The following RABGAP1L variants were observed in gnomAD, a reference collection of about 807,000 sequenced individuals.
RABGAP1L encodes rab GTPase-activating protein 1-like.
Under a neutral mutation model 137.7 loss-of-function variants are expected in RABGAP1L, and 63 were observed. The observed-to-expected ratio is 0.46, with a 90% confidence interval of 0.37 to 0.56. The LOEUF (loss-of-function observed/expected upper bound fraction) is 0.56. RABGAP1L is among the 20% of genes least tolerant of loss of function. The pLI is 0.00. For missense variants in RABGAP1L, 1,095 were observed against 1,244.0 expected (o/e 0.88, Z 1.80); for synonymous variants, 431 against 433.7 (o/e 0.99, Z 0.08).
chr1:174,522,182 T>C (rs1209005330), intron 13 of RABGAP1L, among the ~76,000 whole-genome samples: 1 of 152,144 alleles, frequency 6.6e-6, no homozygotes, highest in Non-Finnish European at 1.5e-5. Context: ...ACTAAAGGCA[T>C]ATATTCTGTA....
intron 13 of RABGAP1L, among the ~76,000 whole-genome samples, chr1:174,572,465 A>G (rs927616940): frequency 2.6e-5 from 4 of 152,140 alleles, no homozygotes; most frequent in African/African-American, 9.7e-5. Context: ...GGCTCACTGC[A>G]ACCTCTGCCT....
chr1:174,564,191 G>C (rs542328006), intron 13 of RABGAP1L, among the ~76,000 whole-genome samples: 8 of 152,198 alleles, frequency 5.3e-5, no homozygotes, highest in African/African-American at 1.9e-4. Context: ...ATATCTAACA[G>C]TTATCGTTTC....
At chr1:174,362,809 T>C (rs572669535) in intron 11 of RABGAP1L, among the ~76,000 whole-genome samples, 2 of 152,372 alleles carry the variant, frequency 1.3e-5, no homozygotes, top group South Asian at 4.1e-4. Flanking sequence ...ATACCATTTA[T>C]CAATTTTTGC....
At position 174,839,060 on chromosome 1, in the gene RABGAP1L, TA is replaced by T. The variant is rs1312177491; in HGVS notation, c.2340+27101del. On this transcript the variant is annotated intron_variant, in intron 19 of 25. Coordinates refer to ENST00000681986, the MANE Select transcript of RABGAP1L (RefSeq NM_001366446.1). ...GTGTGTGTGTGTGTGTGTGTGTTGG[TA>T]GGGGTGGGGGTAGATACATATATTT... 2.8e-5 allele frequency among the ~76,000 whole-genome samples: 4 copies of T among 141,106 alleles called. 1 individual carries two copies. Among genetic ancestry groups the T allele is most frequent in the Admixed American group, 1.4e-4 (2 of 14,174 alleles). The allele number at this position is 141,106 out of a possible 152,430, so 92.6% of individuals were successfully genotyped here.
chr1:174,373,721 A>G lies in RABGAP1L; in HGVS notation c.1559+2649A>G, dbSNP rs1685292285. ...GTTAACGATATAGCTGGTGCTGGCA[A>G]TGGAATTCCTTCTTCCATTCTTCTG... On this transcript the variant is annotated intron_variant, in intron 12 of 25. Transcript: ENST00000681986. 2.6e-5 allele frequency among the ~76,000 whole-genome samples: 4 copies of G among 152,314 alleles called. No homozygotes were observed. The South Asian group carries it at 8.3e-4, about 32-fold the overall frequency.
chr1:174,888,188 T>A (rs747278596), intron 19 of RABGAP1L, among the ~76,000 whole-genome samples: 4 of 152,186 alleles, frequency 2.6e-5, no homozygotes, highest in Non-Finnish European at 5.9e-5. Flanking sequence ...GTAATACATA[T>A]AATGTGAATG....
intron 1 of RABGAP1L, among the ~76,000 whole-genome samples, chr1:174,207,498 C>G (rs1668588474): frequency 6.6e-6 from 1 of 152,180 alleles, no homozygotes; most frequent in African/African-American, 2.4e-5. Context: ...AGGTCAGGAG[C>G]TGACTGGATT....
At chr1:174,572,358 T>G (rs1291685900) in intron 13 of RABGAP1L, among the ~76,000 whole-genome samples, 3 of 152,108 alleles carry the variant, frequency 2.0e-5, no homozygotes, top group African/African-American at 4.8e-5. Flanking sequence ...TATCTTGAAA[T>G]TTTCTTTAAA....
chr1:174,349,984 G>C (rs1682957529), intron 11 of RABGAP1L, among the ~76,000 whole-genome samples: 1 of 125,660 alleles, frequency 8.0e-6, no homozygotes, highest in Non-Finnish European at 1.7e-5. Context: ...CTCCCTCCCG[G>C]ACGGGGTGGC....
chr1:174,272,331 T>TA, intron 7 of RABGAP1L, 83 bp from the exon 8 acceptor site: 1 of 1,413,338 alleles, frequency 7.1e-7, no homozygotes, highest in Non-Finnish European at 9.6e-7. Flanking sequence ...ATTGTATAGT[T>TA]ATTGTAAAAA....
chr1:174,199,444 A>G (rs1382914881), intron 1 of RABGAP1L, among the ~76,000 whole-genome samples: 1 of 151,978 alleles, frequency 6.6e-6, no homozygotes, highest in African/African-American at 2.4e-5. Flanking sequence ...GGCGTATACT[A>G]CCACACTCAG....
chr1:174,621,165 C>T (rs1672424816), intron 13 of RABGAP1L, among the ~76,000 whole-genome samples: 1 of 152,226 alleles, frequency 6.6e-6, no homozygotes, highest in South Asian at 2.1e-4. Flanking sequence ...AGGACCTCTT[C>T]AAGGAGAACT....
At chr1:174,516,163 ACACG>A (rs1177342131) in intron 13 of RABGAP1L, among the ~76,000 whole-genome samples, 1 of 150,108 alleles carries the variant, frequency 6.7e-6, no homozygotes, top group African/African-American at 2.5e-5. Context: ...ACACACACAC[ACACG>A]CTTTGAGATA....
At chr1:174,774,202 T>G (rs1686342185) in intron 18 of RABGAP1L, among the ~76,000 whole-genome samples, 1 of 152,244 alleles carries the variant, frequency 6.6e-6, no homozygotes, top group African/African-American at 2.4e-5. Flanking sequence ...TTTTATCTTT[T>G]ATTGCTTTTC....
chr1:174,637,226 T>C (rs1674122861), intron 13 of RABGAP1L, 149 bp from the exon 14 acceptor site: 1 of 581,416 alleles, frequency 1.7e-6, no homozygotes, highest in African/African-American at 1.9e-5. Context: ...ATCTTGGGTA[T>C]AGGACTATGG....
At chr1:174,616,069 C>G (rs1671822908) in intron 13 of RABGAP1L, among the ~76,000 whole-genome samples, 1 of 152,242 alleles carries the variant, frequency 6.6e-6, no homozygotes, top group African/African-American at 2.4e-5. Flanking sequence ...GGCTCGCACA[C>G]AGTGCGCTGC....
chr1:174,561,377 A>G (rs904613457), intron 13 of RABGAP1L, among the ~76,000 whole-genome samples: 2 of 152,218 alleles, frequency 1.3e-5, no homozygotes, highest in Non-Finnish European at 2.9e-5. Flanking sequence ...ACAAATGGAA[A>G]GACATTCCAT....
chr1:174,629,263 T>G (rs945517128), intron 13 of RABGAP1L, among the ~76,000 whole-genome samples: 1 of 152,220 alleles, frequency 6.6e-6, no homozygotes, highest in African/African-American at 2.4e-5. Context: ...TAGCTTTTGC[T>G]TCAAAAACAC....
intron 9 of RABGAP1L, among the ~76,000 whole-genome samples, chr1:174,277,832 A>T (rs1046796401): frequency 3.3e-5 from 5 of 152,216 alleles, no homozygotes; most frequent in East Asian, 3.9e-4. Flanking sequence ...TGTCTAACAA[A>T]TTTTAGTTTC....
Sources: gnomAD v4.1 joint callset for allele counts (sites outside exome capture counted in the v4.1 genomes callset) on GRCh38, gnomAD v4.1.1 for gene constraint, MANE v1.5 for transcripts, NCBI Gene and HGNC (gene_info 2026-07-23, HGNC 2026-07-21) for gene names.